The following DCC variants were observed in gnomAD, a reference collection of about 807,000 sequenced individuals.
DCC encodes netrin receptor DCC.
Under a neutral mutation model 172.5 loss-of-function variants are expected in DCC, and 58 were observed. That is an observed-to-expected ratio of 0.34 (90% CI 0.27 to 0.42). DCC has a LOEUF of 0.42. Ranked by LOEUF, DCC falls within the 10% of genes least tolerant of loss-of-function variation. DCC has a pLI of 1.00. For missense variants in DCC, 1,740 were observed against 1,791.0 expected (o/e 0.97, Z 0.51); for synonymous variants, 709 against 644.5 (o/e 1.10, Z -1.52).
At position 53,275,760 on chromosome 18, in the gene DCC, GGTA is replaced by G. The variant is rs1184941134; in HGVS notation, c.1912-29815_1912-29813del. 3.9e-5 allele frequency among the ~76,000 whole-genome samples: 6 copies of G among 152,058 alleles called. No homozygotes were observed. In the East Asian group the frequency reaches 1.2e-3, roughly 29 times the overall value. Reference sequence around the variant, plus strand: ...GGTCTGGTTTTTTGAGAGCTAATGTGGTAGTCTATACAAAAGGGTCATCGCTGA... The same window carrying G: ...GGTCTGGTTTTTTGAGAGCTAATGTGGTCTATACAAAAGGGTCATCGCTGA... On this transcript the variant is annotated intron_variant, in intron 12 of 28. Coordinates refer to ENST00000442544, the MANE Select transcript of DCC (RefSeq NM_005215.4).
At chr18:52,848,798 AT>A (rs2038933524) in intron 2 of DCC, among the ~76,000 whole-genome samples, 1 of 152,130 alleles carries the variant, frequency 6.6e-6, no homozygotes, top group South Asian at 2.1e-4. Flanking sequence ...ATGTTAAGTG[AT>A]TTTTAGACTT....
At chr18:53,107,765 T>C (rs1167398558) in intron 7 of DCC, among the ~76,000 whole-genome samples, 1 of 151,846 alleles carries the variant, frequency 6.6e-6, no homozygotes, top group Non-Finnish European at 1.5e-5. Flanking sequence ...AATGGTGGTT[T>C]CTGTTTGCCA....
intron 2 of DCC, among the ~76,000 whole-genome samples, chr18:52,801,443 T>C (rs1908840254): frequency 6.6e-6 from 1 of 152,078 alleles, no homozygotes; most frequent in Non-Finnish European, 1.5e-5. Flanking sequence ...TTTTTCTTTA[T>C]GGGTGAAAAA....
intron 27 of DCC, among the ~76,000 whole-genome samples, chr18:53,517,567 C>G (rs558885219): frequency 1.3e-5 from 2 of 151,996 alleles, no homozygotes; most frequent in Non-Finnish European, 2.9e-5. Flanking sequence ...TTAACCCTCT[C>G]GTCTCATTTT....
chr18:53,300,725 G>GCA (rs1185575509), intron 12 of DCC, among the ~76,000 whole-genome samples: 1 of 152,130 alleles, frequency 6.6e-6, no homozygotes, highest in Admixed American at 6.5e-5. Flanking sequence ...GGTGAGGGCA[G>GCA]CTATACAGAA....
intron 12 of DCC, among the ~76,000 whole-genome samples, chr18:53,256,912 T>G (rs1384253489): frequency 1.3e-5 from 2 of 152,234 alleles, no homozygotes; most frequent in African/African-American, 4.8e-5. Flanking sequence ...TAGTTCTCCT[T>G]GAAGAGGTCC....
chr18:53,421,806 G>A (rs1214487066), intron 21 of DCC, among the ~76,000 whole-genome samples: 1 of 152,102 alleles, frequency 6.6e-6, no homozygotes, highest in Non-Finnish European at 1.5e-5. Context: ...TTTTAAGGTT[G>A]GTATTAGAAT....
At chr18:53,167,584 A>G (rs1023985277) in intron 8 of DCC, among the ~76,000 whole-genome samples, 5 of 152,140 alleles carry the variant, frequency 3.3e-5, no homozygotes, top group Admixed American at 3.3e-4. Context: ...TTCTCTTTTA[A>G]TTTCACATTT....
rs1054154517 is a variant in DCC, at chr18:53,535,720, A to C, written c.*5067A>C. 2.6e-5 allele frequency: 4 copies of C among 152,216 alleles called. No individual in the cohort carries two copies. Among genetic ancestry groups the C allele is most frequent in the Non-Finnish European group, 4.4e-5 (3 of 68,032 alleles). The allele number at this position is 152,216 out of a possible 1,614,324, so 9.4% of individuals were successfully genotyped here. On this transcript the variant is annotated 3_prime_UTR_variant, in exon 29 of 29. Coordinates refer to ENST00000442544, the MANE Select transcript of DCC (RefSeq NM_005215.4). ...TATTTAAGTGTAAATCTTGTTCTAC[A>C]AGAAAGGAAACTTGCTTACAGTTTA...
At chr18:53,436,688 G>A (rs1303479863) in intron 22 of DCC, among the ~76,000 whole-genome samples, 5 of 152,128 alleles carry the variant, frequency 3.3e-5, no homozygotes, top group East Asian at 1.9e-4. Context: ...ACCTTCCTCT[G>A]TTATTAATGC....
chr18:52,528,683 C>T (rs1006178448), intron 1 of DCC, among the ~76,000 whole-genome samples: 6 of 152,032 alleles, frequency 3.9e-5, no homozygotes, highest in Admixed American at 1.3e-4. Context: ...ACTCTCCACA[C>T]TTCTGCTTGT....
chr18:52,341,281 G>T (rs889414863), intron 1 of DCC, among the ~76,000 whole-genome samples: 2 of 152,158 alleles, frequency 1.3e-5, no homozygotes, highest in African/African-American at 4.8e-5. Flanking sequence ...AGGACATCCA[G>T]GGGCTTTGAG....
intron 7 of DCC, among the ~76,000 whole-genome samples, chr18:53,086,949 G>C (rs2042922501): frequency 6.6e-6 from 1 of 151,470 alleles, no homozygotes; most frequent in Non-Finnish European, 1.5e-5. Context: ...TTTTATGGGG[G>C]CATAGTATTC....
intron 15 of DCC, among the ~76,000 whole-genome samples, chr18:53,371,480 G>T (rs1398385495): frequency 6.6e-6 from 1 of 151,950 alleles, no homozygotes; most frequent in Admixed American, 6.6e-5. Context: ...CAGTGTTATT[G>T]CATAGGCATG....
intron 5 of DCC, among the ~76,000 whole-genome samples, chr18:52,985,844 G>A (rs1465962588): frequency 1.3e-5 from 2 of 151,952 alleles, no homozygotes; most frequent in Non-Finnish European, 2.9e-5. Context: ...TAAGCTTCAA[G>A]AACCCTTTCT....
chr18:53,186,449 G>T (rs1010137342), intron 9 of DCC, among the ~76,000 whole-genome samples: 1 of 152,130 alleles, frequency 6.6e-6, no homozygotes, highest in East Asian at 1.9e-4. Context: ...TCATGCTGGT[G>T]CAGCTGAATG....
At chr18:52,642,305 C>T (rs908209261) in intron 1 of DCC, among the ~76,000 whole-genome samples, 2 of 151,238 alleles carry the variant, frequency 1.3e-5, no homozygotes, top group Non-Finnish European at 2.9e-5. Context: ...ATGCAATGGG[C>T]TTTGGGGAAT....
chr18:52,713,141 G>A (rs1391328737), intron 1 of DCC, among the ~76,000 whole-genome samples: 1 of 152,206 alleles, frequency 6.6e-6, no homozygotes, highest in Non-Finnish European at 1.5e-5. Flanking sequence ...CCAAGTTGAT[G>A]TTCAATTCTT....
chr18:52,816,609 G>A (rs549053133), intron 2 of DCC: 2 of 152,198 alleles, frequency 1.3e-5, no homozygotes, highest in Admixed American at 1.3e-4. Flanking sequence ...TCACACCACT[G>A]AGTGTTACCA....
Sources: gnomAD v4.1 joint callset for allele counts (sites outside exome capture counted in the v4.1 genomes callset) on GRCh38, gnomAD v4.1.1 for gene constraint, MANE v1.5 for transcripts, NCBI Gene and HGNC (gene_info 2026-07-23, HGNC 2026-07-21) for gene names.